The following PLXNC1 variants were observed in gnomAD, a reference collection of about 807,000 sequenced individuals.
PLXNC1 encodes the protein plexin-C1.
PLXNC1 carries 75 observed loss-of-function variants against 178.2 expected under a neutral mutation model. That is an observed-to-expected ratio of 0.42 (90% CI 0.35 to 0.51). The LOEUF (loss-of-function observed/expected upper bound fraction) is 0.51. Ranked by LOEUF, PLXNC1 falls within the 20% of genes least tolerant of loss-of-function variation. The pLI, the probability that PLXNC1 is intolerant of heterozygous loss-of-function variation, is 0.02. For missense variants in PLXNC1, 1,503 were observed against 1,984.4 expected (o/e 0.76, Z 4.61); for synonymous variants, 790 against 779.9 (o/e 1.01, Z -0.22).
At chr12:94,243,201 T>G (rs1964437205) in intron 11 of PLXNC1, among the ~76,000 whole-genome samples, 1 of 152,218 alleles carries the variant, frequency 6.6e-6, no homozygotes, top group Non-Finnish European at 1.5e-5. Flanking sequence ...CACCTCCTGG[T>G]CTTGTCATCA....
chr12:94,259,319 G>T lies in PLXNC1; in HGVS notation c.3088-18G>T. The T allele has an allele frequency of 6.4e-7, 1 of 1,569,196 alleles. No homozygotes were observed. Among genetic ancestry groups the T allele is most frequent in the African/African-American group, 1.4e-5 (1 of 73,476 alleles). On this transcript the variant is annotated intron_variant, in intron 17 of 30. Coordinates refer to ENST00000258526, the MANE Select transcript of PLXNC1 (RefSeq NM_005761.3). Reference sequence around the variant, plus strand: ...CCTTTGGATGTTATGAATAATAAAAGTGTCTCCTTCCTCTCAGTCAGGTGG... The same window carrying T: ...CCTTTGGATGTTATGAATAATAAAATTGTCTCCTTCCTCTCAGTCAGGTGG...
At chr12:94,235,406 A>T (rs926172625) in intron 9 of PLXNC1, among the ~76,000 whole-genome samples, 1 of 152,210 alleles carries the variant, frequency 6.6e-6, no homozygotes, top group Non-Finnish European at 1.5e-5. Flanking sequence ...TTTACTTGGC[A>T]TGTTTGAAAA....
At chr12:94,266,287 C>A (rs970850602) in intron 21 of PLXNC1, among the ~76,000 whole-genome samples, 6 of 152,192 alleles carry the variant, frequency 3.9e-5, no homozygotes, top group Non-Finnish European at 8.8e-5. Context: ...CCAGATGCGG[C>A]TCACTTCTCC....
intron 23 of PLXNC1, among the ~76,000 whole-genome samples, chr12:94,288,688 G>A (rs1966949073): frequency 6.6e-6 from 1 of 152,218 alleles, no homozygotes; most frequent in Admixed American, 6.5e-5. Flanking sequence ...CTCAAGCCCT[G>A]AGAAACAAGA....
At chr12:94,215,948 A>G (rs1963633609) in intron 5 of PLXNC1, among the ~76,000 whole-genome samples, 1 of 152,168 alleles carries the variant, frequency 6.6e-6, no homozygotes, top group Non-Finnish European at 1.5e-5. Context: ...ATATTCATAT[A>G]CATGATTTCC....
In PLXNC1 at chr12:94,223,460, C is replaced by T. The variant is rs533591436; in HGVS notation, c.1703-768C>T. Among the ~76,000 whole-genome samples the T allele has an allele frequency of 3.7e-3, 557 of 152,174 alleles. 5 individuals are homozygous for T. Among genetic ancestry groups the T allele is most frequent in the African/African-American group, 0.013 (536 of 41,500 alleles). On this transcript the variant is annotated intron_variant, in intron 6 of 30. Coordinates refer to ENST00000258526, the MANE Select transcript of PLXNC1 (RefSeq NM_005761.3). ...TGCAACCACAGGTTCCTGGGTCCACCCCAGGCTTGCTAAATCAGAATATTT... is the reference window on the plus strand; with the variant it reads ...TGCAACCACAGGTTCCTGGGTCCACTCCAGGCTTGCTAAATCAGAATATTT...
intron 21 of PLXNC1, chr12:94,278,084 G>A (rs557576976): frequency 8.8e-6 from 4 of 455,648 alleles, no homozygotes; most frequent in Middle Eastern, 3.2e-4. Context: ...CTGTATGGGC[G>A]AGCATCTTCC....
intron 10 of PLXNC1, 145 bp downstream of exon 10, chr12:94,237,948 T>C (rs1194693186): frequency 2.9e-6 from 2 of 700,674 alleles, no homozygotes; most frequent in Non-Finnish European, 4.6e-6. Flanking sequence ...TTTGACATAA[T>C]ATAATTCCAA....
chr12:94,277,356 G>T (rs1205351282), intron 21 of PLXNC1, among the ~76,000 whole-genome samples: 1 of 152,072 alleles, frequency 6.6e-6, no homozygotes, highest in East Asian at 1.9e-4. Context: ...TGGAGTTAGG[G>T]GGACATCAAT....
At chr12:94,206,774 T>C (rs1225930507) in intron 4 of PLXNC1, among the ~76,000 whole-genome samples, 1 of 152,232 alleles carries the variant, frequency 6.6e-6, no homozygotes, top group Admixed American at 6.5e-5. Flanking sequence ...ATTTTCCTCC[T>C]ATTCTTGGCC....
chr12:94,243,965 C>T lies in PLXNC1; in HGVS notation c.2328C>T (p.Gly776=). Residue 776 remains glycine (G), a synonymous_variant, in exon 12 of 31, where the codon GGC becomes GGT. Coordinates refer to ENST00000258526, the MANE Select transcript of PLXNC1 (RefSeq NM_005761.3). The part of the protein sequence containing the change: ...ISGGQNITMM[G]RNFDVIDNLI... The stretch of plus-strand genomic sequence containing the variant: ...GTGGTCAAAATATAACCATGATGGG[C>T]AGAAATTTTGATGTAATTGACAACT... 1.3e-6 allele frequency: 2 copies of T among 1,598,604 alleles called. No individual in the cohort carries two copies. Among genetic ancestry groups the T allele is most frequent in the Non-Finnish European group, 1.7e-6 (2 of 1,167,442 alleles).
intron 15 of PLXNC1, among the ~76,000 whole-genome samples, chr12:94,253,707 CT>C (rs1964764449): frequency 6.6e-6 from 1 of 151,280 alleles, no homozygotes. Context: ...AAGGGTCTCA[CT>C]TTTTTGCCCA....
At position 94,265,144 on chromosome 12, in the gene PLXNC1, C is replaced by A. The variant is rs2230759; in HGVS notation, c.3516C>A (p.Pro1172=). ...TTLNQKINKG[P]VDVITCKALY... ...TGAACCAGAAAATTAACAAGGGTCC[C>A]GTGGATGTAATCACTTGCAAAGCCC... Residue 1172 remains proline, a synonymous_variant, in exon 21 of 31, where the codon CCC becomes CCA. Coordinates refer to ENST00000258526, the MANE Select transcript of PLXNC1 (RefSeq NM_005761.3). The A allele has an allele frequency of 1.2e-6, 2 of 1,613,980 alleles. No individual in the cohort carries two copies. Among genetic ancestry groups the A allele is most frequent in the Admixed American group, 3.3e-5 (2 of 60,014 alleles).
At chr12:94,284,825 G>C (rs1030359905) in intron 23 of PLXNC1, among the ~76,000 whole-genome samples, 7 of 152,198 alleles carry the variant, frequency 4.6e-5, no homozygotes, top group Non-Finnish European at 1.0e-4. Flanking sequence ...GGAGTTCTGA[G>C]TCTTATCCCA....
intron 14 of PLXNC1, among the ~76,000 whole-genome samples, chr12:94,248,930 C>T (rs897299885): frequency 3.3e-5 from 5 of 152,048 alleles, no homozygotes; most frequent in African/African-American, 1.2e-4. Context: ...GGGGACGGAT[C>T]ACTGCTATAT....
chr12:94,302,477 C>T (rs1968562365), intron 28 of PLXNC1, among the ~76,000 whole-genome samples: 1 of 152,188 alleles, frequency 6.6e-6, no homozygotes, highest in Non-Finnish European at 1.5e-5. Context: ...CAATATATTT[C>T]CTACAGCACT....
At chr12:94,277,561 GTTAGGGA>G (rs1291941198) in intron 21 of PLXNC1, among the ~76,000 whole-genome samples, 1 of 152,152 alleles carries the variant, frequency 6.6e-6, no homozygotes, top group Admixed American at 6.5e-5. Context: ...TACACAGCTG[GTTAGGGA>G]TGGGTTCAGA....
chr12:94,268,195 C>T (rs1387577224), intron 21 of PLXNC1, among the ~76,000 whole-genome samples: 1 of 152,192 alleles, frequency 6.6e-6, no homozygotes, highest in Non-Finnish European at 1.5e-5. Flanking sequence ...GCTTTCACAC[C>T]TCTCAGATGA....
In PLXNC1 at chr12:94,257,602, C is replaced by T. The variant is rs150592369; in HGVS notation, c.3088-1735C>T. ...CAGCCTGGCCAACATGGTGAAACCC[C>T]GTCTGTACTAAAAATACACAATTAG... On this transcript the variant is annotated intron_variant, in intron 17 of 30. Transcript: ENST00000258526. Among the ~76,000 whole-genome samples the T allele has an allele frequency of 2.4e-3, 366 of 152,148 alleles. 1 individual carries two copies. Among genetic ancestry groups the T allele is most frequent in the African/African-American group, 8.4e-3 (347 of 41,520 alleles).
Sources: allele counts gnomAD v4.1 joint callset (sites outside exome capture counted in the v4.1 genomes callset), GRCh38; gene constraint gnomAD v4.1.1; transcripts MANE v1.5; gene names NCBI Gene and HGNC (gene_info 2026-07-23, HGNC 2026-07-21).